UCK1: variants seen among roughly 807,000 people sequenced by gnomAD.
The protein encoded by UCK1 is cytidine monophosphokinase 1.
A neutral mutation model predicts 34.0 loss-of-function variants in UCK1; 20 were observed. The observed-to-expected ratio is 0.59, with a 90% CI of 0.41 to 0.86. The LOEUF is 0.86. Ranked by LOEUF, UCK1 falls within the 40% of genes least tolerant of loss-of-function variation. The pLI, the probability that UCK1 is intolerant of heterozygous loss-of-function variation, is 0.00. For missense variants in UCK1, 343 were observed against 383.6 expected, an observed-to-expected ratio of 0.89 and a Z score of 0.88; for synonymous variants, 168 against 155.9, an observed-to-expected ratio of 1.08 and a Z score of -0.58.
intron 2 of UCK1, 64 bp downstream of exon 2, chr9:131,530,422 C>A (rs1950787580): frequency 1.9e-6 from 3 of 1,595,330 alleles, no homozygotes; most frequent in African/African-American, 2.7e-5. Context: ...GGCCCAAGCG[C>A]AGCTGGTTAG....
At chr9:131,526,911 G>A (rs941110750) in intron 5 of UCK1, among the ~76,000 whole-genome samples, 1 of 152,180 alleles carries the variant, frequency 6.6e-6, no homozygotes, top group South Asian at 2.1e-4. Flanking sequence ...GGTCTTAACC[G>A]CCAGCAGGGA....
chr9:131,529,330 A>G, intron 3 of UCK1, 60 bp from the exon 4 acceptor site: 1 of 1,609,096 alleles, frequency 6.2e-7, no homozygotes, highest in Non-Finnish European at 8.5e-7. Flanking sequence ...GGCCACACAC[A>G]CAGTCAGCTT....
At chr9:131,530,714 GGA>G in intron 1 of UCK1, 69 bp from the exon 2 acceptor site, 1 of 1,613,716 alleles carries the variant, frequency 6.2e-7, no homozygotes, top group Non-Finnish European at 8.5e-7. Flanking sequence ...GCCGGCTTCT[GGA>G]GACACTGACC....
chr9:131,526,184 G>T, intron 5 of UCK1: 1 of 686,290 alleles, frequency 1.5e-6, no homozygotes, highest in Non-Finnish European at 2.4e-6. Context: ...GTGCAGCTGA[G>T]GCAGCCAAAA....
chr9:131,528,970 G>C lies in UCK1; in HGVS notation c.577C>G (p.Pro193Ala), dbSNP rs1228809460. ...ILTQYTTFVK[P>A]AFEEFCLPTK... ...GGCAGGCAGAACTCCTCGAAGGCCGGCTTCACGAAGGTGGTGTACTGCGTC... is the reference window on the plus strand; with the variant it reads ...GGCAGGCAGAACTCCTCGAAGGCCGCCTTCACGAAGGTGGTGTACTGCGTC... The change falls in exon 5 of 7, where the codon CCG becomes GCG. Residue 193 changes from proline to alanine, a missense_variant. By Grantham distance (27) the Pro-to-Ala change is conservative. Transcript: ENST00000372215. The C allele has an allele frequency of 6.2e-7, 1 of 1,614,178 alleles. No homozygotes were observed. The highest frequency in any genetic ancestry group is 1.7e-5 in the Admixed American group (1 of 60,020).
chr9:131,530,691 T>TG, intron 1 of UCK1, 46 bp from the exon 2 acceptor site: 1 of 1,614,116 alleles, frequency 6.2e-7, no homozygotes, highest in South Asian at 1.1e-5. Context: ...GCTCGTCCTG[T>TG]GACAGGCACG....
intron 1 of UCK1, 25 bp downstream of exon 1, chr9:131,531,042 G>T: frequency 7.5e-7 from 1 of 1,339,866 alleles, no homozygotes; most frequent in Non-Finnish European, 9.5e-7. Flanking sequence ...CGAGAGGCGA[G>T]ACCCCGGCCC....
At chr9:131,530,919 G>T (rs1950818276) in intron 1 of UCK1, 148 bp downstream of exon 1, 2 of 715,804 alleles carry the variant, frequency 2.8e-6, no homozygotes, top group East Asian at 3.8e-5. Flanking sequence ...AGCCCGCCCC[G>T]GCCCATCGCG....
At position 131,529,524 on chromosome 9, in the gene UCK1, A is replaced by G; in HGVS notation, c.329T>C (p.Val110Ala). The change falls in exon 3 of 7, where the codon GTG becomes GCG. Residue 110 changes from valine to alanine, a missense_variant. By Grantham distance (64) the Val-to-Ala change is moderately conservative. Transcript: ENST00000372215. ...CACAAAATCATAGGTCGGCACCTCCACCGTTTTGCCCTCCACGATGTTCTT... is the reference window on the plus strand; with the variant it reads ...CACAAAATCATAGGTCGGCACCTCCGCCGTTTTGCCCTCCACGATGTTCTT... ...TLKNIVEGKT[V>A]EVPTYDFVTH... 1 of 1,614,142 alleles carries G rather than the reference A, an allele frequency of 6.2e-7. No individual in the cohort carries two copies. Among genetic ancestry groups the G allele is most frequent in the South Asian group, 1.1e-5 (1 of 91,074 alleles).
chr9:131,525,765 G>A (rs376765046), intron 6 of UCK1, among the ~76,000 whole-genome samples, 164 bp downstream of exon 6: 2 of 152,086 alleles, frequency 1.3e-5, no homozygotes, highest in East Asian at 1.9e-4. Context: ...GAGGCACCGC[G>A]CCCAGCTACA....
In UCK1 at chr9:131,529,141, C is replaced by A. The variant is rs1228323480; in HGVS notation, c.495G>T (p.Arg165Ser). ...CGGCCGCCTTACCTCTTCGAGACAG[C>A]CTGACGTCGGAGTCGGTGTCCACGA... ...RLFVDTDSDV[R>S]LSRRVLRDVR... The change falls in exon 4 of 7, where the codon AGG becomes AGT. Residue 165 changes from arginine (R) to serine (S), a missense_variant. Physicochemically the swap from Arg to Ser is moderately radical, Grantham distance 110 (BLOSUM62 -1). Transcript: ENST00000372215. The A allele has an allele frequency of 1.9e-6, 3 of 1,613,856 alleles. No individual in the cohort carries two copies. The highest frequency in any genetic ancestry group is 2.5e-6 in the Non-Finnish European group (3 of 1,179,892).
chr9:131,524,926 A>G lies in UCK1; in HGVS notation c.*114T>C. On this transcript the variant is annotated 3_prime_UTR_variant, in exon 7 of 7. Transcript: ENST00000372215. ...CCTGAGTGAGGAAGGCCTCGCTGCT[A>G]ACACTCCCCTGGGGTGCGCCGAGAG... is the stretch of plus-strand genomic sequence containing the variant. The G allele has an allele frequency of 7.6e-7, 1 of 1,317,326 alleles. No individual in the cohort carries two copies. The highest frequency in any genetic ancestry group is 1.0e-6 in the Non-Finnish European group (1 of 973,338). The allele number at this position is 1,317,326 out of a possible 1,614,324, so 81.6% of individuals were successfully genotyped here.
At chr9:131,530,669 C>T in intron 1 of UCK1, 24 bp from the exon 2 acceptor site, 1 of 1,614,228 alleles carries the variant, frequency 6.2e-7, no homozygotes, top group African/African-American at 1.3e-5. Context: ...AGCGGGATTC[C>T]CGCCTGGAAC....
chr9:131,525,928 C>CCCATATTGT lies in UCK1; in HGVS notation c.644_652dup (p.Asp215_Met217dup), dbSNP rs752440059. The CCCATATTGT allele has an allele frequency of 3.1e-6, 5 of 1,613,870 alleles. No homozygotes were observed. The Admixed American group carries it at 8.3e-5, about 27-fold the overall frequency. On this transcript the variant is annotated inframe_insertion and splice_region_variant. Coordinates refer to ENST00000372215, the MANE Select transcript of UCK1 (RefSeq NM_031432.5). ...GACAGCCCAGCAGGCCAGCTTCTTACCCATATTGTCCACTCCTCGCGGGAT... is the reference window on the plus strand; with the variant it reads ...GACAGCCCAGCAGGCCAGCTTCTTACCCATATTGTCCATATTGTCCACTCCTCGCGGGAT...
In UCK1 at chr9:131,524,154, A is replaced by G. The variant is rs1163953172; in HGVS notation, c.*886T>C. On this transcript the variant is annotated 3_prime_UTR_variant, in exon 7 of 7. Coordinates refer to ENST00000372215, the MANE Select transcript of UCK1 (RefSeq NM_031432.5). ...TGATCCAGTGCGTGCCACAGCCAGA[A>G]GCACCATTCCCTGCATATGGCCACT... The G allele has an allele frequency of 1.3e-5, 2 of 152,316 alleles. No homozygotes were observed. Among genetic ancestry groups the G allele is most frequent in the Non-Finnish European group, 2.9e-5 (2 of 68,106 alleles). The allele number at this position is 152,316 out of a possible 1,614,324, so 9.4% of individuals were successfully genotyped here.
intron 2 of UCK1, among the ~76,000 whole-genome samples, chr9:131,529,924 G>T (rs997724451): frequency 6.6e-6 from 1 of 152,230 alleles, no homozygotes; most frequent in African/African-American, 2.4e-5. Context: ...TAACTGGTTA[G>T]ACTGCGGCTT....
chr9:131,528,388 C>T lies in UCK1; in HGVS notation c.603+556G>A, dbSNP rs540007163. ...CAGGTGGGTGTGCAGCGGGGAGTTC[C>T]TGCTCTCTGCGAGCCAGCTGGGATC... On this transcript the variant is annotated intron_variant, in intron 5 of 6. Coordinates refer to ENST00000372215, the MANE Select transcript of UCK1 (RefSeq NM_031432.5). 9.2e-5 allele frequency among the ~76,000 whole-genome samples: 14 copies of T among 152,322 alleles called. No homozygotes were observed. In the South Asian group the frequency reaches 2.5e-3, roughly 27 times the overall value.
In UCK1 at chr9:131,529,144, G is replaced by A. The variant is rs1950729681; in HGVS notation, c.492C>T (p.Val164=). 6.2e-7 allele frequency: 1 copy of A among 1,613,894 alleles called. No individual in the cohort carries two copies. The highest frequency in any genetic ancestry group is 8.5e-7 in the Non-Finnish European group (1 of 1,179,904). The stretch of plus-strand genomic sequence containing the variant: ...CCGCCTTACCTCTTCGAGACAGCCT[G>A]ACGTCGGAGTCGGTGTCCACGAAGA... ...LRLFVDTDSD[V]RLSRRVLRDV... Residue 164 remains valine, a synonymous_variant, in exon 4 of 7, where the codon GTC becomes GTT. Transcript: ENST00000372215.
Position 131,525,085 on chromosome 9 carries a change from G to A in UCK1, c.789C>T (p.Thr263=). 1.2e-6 allele frequency: 2 copies of A among 1,613,670 alleles called. No homozygotes were observed. Among genetic ancestry groups the A allele is most frequent in the Non-Finnish European group, 1.7e-6 (2 of 1,179,960 alleles). ...ACTCCAAATGTGACCGTTTGCCAGA[G>A]GTCAGCATCCCAGGGTGGTCCCCTG... ...SEPGDHPGML[T]SGKRSHLESS... The change falls in exon 7 of 7, where the codon ACC becomes ACT. Residue 263 remains threonine, a synonymous_variant. Coordinates refer to ENST00000372215, the MANE Select transcript of UCK1 (RefSeq NM_031432.5).
Sources: allele counts gnomAD v4.1 joint callset (sites outside exome capture counted in the v4.1 genomes callset), GRCh38; gene constraint gnomAD v4.1.1; transcripts MANE v1.5; gene names NCBI Gene and HGNC (gene_info 2026-07-23, HGNC 2026-07-21).